Variants in PLEKHA5 observed in about 807,000 individuals in gnomAD.
PLEKHA5 encodes pleckstrin homology domain containing A5.
A neutral mutation model predicts 181.9 loss-of-function variants in PLEKHA5; 55 were observed. The ratio of observed to expected loss-of-function variants is 0.30; its 90% CI spans 0.24 to 0.38. The LOEUF (loss-of-function observed/expected upper bound fraction) is 0.38, where lower values mean the gene tolerates loss of function less well. PLEKHA5 is among the 10% of genes least tolerant of loss of function. PLEKHA5 has a pLI of 1.00. For synonymous variants in PLEKHA5, 535 were observed against 529.4 expected (o/e 1.01, Z -0.15); for missense variants, 1,432 against 1,549.5 (o/e 0.92, Z 1.27).
rs535698199 is a variant in PLEKHA5 at position 19,171,115 on chromosome 12, A to AC, written c.227+38666dup. On this transcript the variant is annotated intron_variant, in intron 3 of 31. Coordinates refer to ENST00000429027, the MANE Select transcript of PLEKHA5 (RefSeq NM_001256470.2). ...CCCCTATTTCAGAGAAAAACCCCAG[A>AC]CACCTTGACTTGACTTATAAAGGGG... 5.0e-3 allele frequency among the ~76,000 whole-genome samples: 758 copies of AC among 152,306 alleles called. 3 individuals carry two copies. Among genetic ancestry groups the AC allele is most frequent in the Non-Finnish European group, 7.8e-3 (532 of 68,024 alleles).
intron 3 of PLEKHA5, among the ~76,000 whole-genome samples, chr12:19,170,800 TTA>T (rs2045724932): frequency 6.6e-6 from 1 of 152,226 alleles, no homozygotes. Context: ...CTGTCTTTTC[TTA>T]CATACTTTGG....
rs562770989 is a variant in PLEKHA5, at chr12:19,184,862, A to G, written c.227+52412A>G. On this transcript the variant is annotated intron_variant, in intron 3 of 31. Coordinates refer to ENST00000429027, the MANE Select transcript of PLEKHA5 (RefSeq NM_001256470.2). Reference sequence around the variant, plus strand: ...GAGGACACTGGGGAATACCTATAAAAATCAGAGAGGTAGAACTCCGCTAAT... The same window carrying G: ...GAGGACACTGGGGAATACCTATAAAGATCAGAGAGGTAGAACTCCGCTAAT... Among the ~76,000 whole-genome samples, 100 of 152,306 alleles carry G rather than the reference A, an allele frequency of 6.6e-4. 2 individuals are homozygous for G. In the South Asian group the frequency reaches 0.013, roughly 20 times the overall value.
chr12:19,234,940 T>G (rs1357536067), intron 3 of PLEKHA5, among the ~76,000 whole-genome samples: 1 of 152,188 alleles, frequency 6.6e-6, no homozygotes, highest in African/African-American at 2.4e-5. Flanking sequence ...GATTTATGTT[T>G]TTTAAAGGGG....
chr12:19,154,854 A>G (rs1298383326), intron 3 of PLEKHA5, among the ~76,000 whole-genome samples: 1 of 152,220 alleles, frequency 6.6e-6, no homozygotes, highest in Non-Finnish European at 1.5e-5. Context: ...GAGTACAGAG[A>G]AATGACAAGC....
chr12:19,179,633 C>A (rs1356818383), intron 3 of PLEKHA5, among the ~76,000 whole-genome samples: 1 of 152,152 alleles, frequency 6.6e-6, no homozygotes, highest in Non-Finnish European at 1.5e-5. Flanking sequence ...GGACTCCAGC[C>A]TGGGCAACAG....
At chr12:19,151,577 A>G (rs1051446217) in intron 3 of PLEKHA5, 34 of 152,276 alleles carry the variant, frequency 2.2e-4, no homozygotes, top group African/African-American at 7.7e-4. Context: ...AACTCTTAAT[A>G]GCTTACATAC....
intron 3 of PLEKHA5, among the ~76,000 whole-genome samples, chr12:19,247,566 A>G (rs1194874332): frequency 6.6e-6 from 1 of 152,124 alleles, no homozygotes; most frequent in East Asian, 1.9e-4. Flanking sequence ...TCATCTTAAA[A>G]TCCTTCACAA....
At chr12:19,301,492 T>C (rs1273021892) in intron 15 of PLEKHA5, among the ~76,000 whole-genome samples, 1 of 138,900 alleles carries the variant, frequency 7.2e-6, no homozygotes, top group Admixed American at 7.8e-5. Flanking sequence ...ATTAAGCTAC[T>C]GAAGTAAAAA....
chr12:19,176,322 G>GT (rs1339326127), intron 3 of PLEKHA5: 1 of 150,420 alleles, frequency 6.6e-6, no homozygotes, highest in Non-Finnish European at 1.5e-5. Flanking sequence ...CGAGGCTGGA[G>GT]TGTAGTGCTG....
Position 19,353,984 on chromosome 12 carries a change from G to T in PLEKHA5, c.3120G>T (p.Lys1040Asn). The change falls in exon 26 of 32, where the codon AAG (lysine) becomes AAT (asparagine). Residue 1040 changes from lysine (K) to asparagine (N), a missense_variant. Lys to Asn is a moderately conservative substitution (Grantham distance 94). This residue lies in a region of PLEKHA5 where 1,143 missense variants were observed against 1,168.4 expected (regional missense o/e 0.98). Transcript: ENST00000429027. ...ATGTAACCTTGAGGAAAACTAAGAA[G>T]ATGATGGATCTAAGAACGGTATTTA... The part of the protein sequence containing the change: ...ASYVTLRKTK[K>N]MMDLRTERPR... The T allele has an allele frequency of 6.4e-7, 1 of 1,554,696 alleles. No individual in the cohort carries two copies. The highest frequency in any genetic ancestry group is 1.7e-5 in the Admixed American group (1 of 59,752).
At chr12:19,367,454 C>T (rs1359597233) in intron 30 of PLEKHA5, among the ~76,000 whole-genome samples, 3 of 143,798 alleles carry the variant, frequency 2.1e-5, no homozygotes, top group African/African-American at 7.7e-5. Flanking sequence ...AGGGTCTCGC[C>T]ATGTTGGCCA....
chr12:19,362,216 C>G (rs556821369), intron 29 of PLEKHA5, among the ~76,000 whole-genome samples: 10 of 139,716 alleles, frequency 7.2e-5, no homozygotes, highest in African/African-American at 2.4e-4. Flanking sequence ...ATCTATCTGA[C>G]AGGTGTGTTG....
chr12:19,340,928 C>T (rs67504818), intron 21 of PLEKHA5, among the ~76,000 whole-genome samples: 11,542 of 131,740 alleles, frequency 0.088, 514 homozygotes, highest in Middle Eastern at 0.13. Flanking sequence ...CTGCGAGAAA[C>T]ACCCAAGAAT....
At chr12:19,251,778 A>T (rs544127467) in intron 3 of PLEKHA5, among the ~76,000 whole-genome samples, 1 of 151,584 alleles carries the variant, frequency 6.6e-6, no homozygotes, top group African/African-American at 2.4e-5. Flanking sequence ...TGAAATGCAG[A>T]AAAGAATGGC....
At chr12:19,156,667 A>G (rs1406748583) in intron 3 of PLEKHA5, among the ~76,000 whole-genome samples, 1 of 152,004 alleles carries the variant, frequency 6.6e-6, no homozygotes, top group Non-Finnish European at 1.5e-5. Flanking sequence ...TGTTGATATC[A>G]TAAGAATTTC....
At chr12:19,303,908 T>A (rs1489952447) in intron 15 of PLEKHA5, 2 of 131,438 alleles carry the variant, frequency 1.5e-5, no homozygotes, top group East Asian at 5.2e-4. Flanking sequence ...CTCAACCCCC[T>A]AGGCTGAAGT....
intron 3 of PLEKHA5, among the ~76,000 whole-genome samples, chr12:19,170,301 A>C (rs1022219801): frequency 1.4e-4 from 22 of 152,196 alleles, no homozygotes; most frequent in African/African-American, 5.3e-4. Flanking sequence ...TACAATAACT[A>C]TACTTGAGTA....
chr12:19,236,333 C>A (rs2061402270), intron 3 of PLEKHA5, among the ~76,000 whole-genome samples: 1 of 152,258 alleles, frequency 6.6e-6, no homozygotes, highest in Middle Eastern at 3.4e-3. Flanking sequence ...TACTTAACTA[C>A]TTTGTGCCTT....
chr12:19,352,946 C>CT (rs33957042), intron 25 of PLEKHA5, among the ~76,000 whole-genome samples: 515 of 134,356 alleles, frequency 3.8e-3, no homozygotes, highest in African/African-American at 6.5e-3. Flanking sequence ...CCACACCCAG[C>CT]TTTTTTTTTT....
Sources: allele counts gnomAD v4.1 joint callset (sites outside exome capture counted in the v4.1 genomes callset), GRCh38; gene constraint gnomAD v4.1.1; regional missense constraint gnomAD v4.1.1; transcripts MANE v1.5; gene names NCBI Gene and HGNC (gene_info 2026-07-23, HGNC 2026-07-21).